Variants in MYO3A observed in about 807,000 individuals in gnomAD.
MYO3A encodes myosin IIIA.
A neutral mutation model predicts 192.7 loss-of-function variants in MYO3A; 180 were observed. The observed-to-expected ratio is 0.93, with a 90% CI of 0.83 to 1.06. The LOEUF (loss-of-function observed/expected upper bound fraction) is 1.06. MYO3A is among the 50% of genes least tolerant of loss of function. The pLI, the probability that MYO3A is intolerant of heterozygous loss-of-function variation, is 0.00. For missense variants in MYO3A, 1,896 were observed against 1,905.0 expected, an observed-to-expected ratio of 1.00 and a Z score of 0.09; for synonymous variants, 628 against 645.3, an observed-to-expected ratio of 0.97 and a Z score of 0.41.
At chr10:26,075,827 T>A (rs953632900) in intron 14 of MYO3A, among the ~76,000 whole-genome samples, 2 of 149,752 alleles carry the variant, frequency 1.3e-5, no homozygotes, top group Non-Finnish European at 3.0e-5. Context: ...GTCTCTCATA[T>A]ATATGATATA....
intron 17 of MYO3A, among the ~76,000 whole-genome samples, chr10:26,097,828 A>AT (rs1241330783): frequency 6.6e-6 from 1 of 152,134 alleles, no homozygotes; most frequent in Non-Finnish European, 1.5e-5. Context: ...GCTATTGTGA[A>AT]TAGTGCCACA....
At chr10:26,022,320 G>A (rs1178449251) in intron 8 of MYO3A, 2 of 152,070 alleles carry the variant, frequency 1.3e-5, no homozygotes, top group Non-Finnish European at 2.9e-5. Context: ...GATAACTAAT[G>A]TGAAAAGACT....
rs1564617416 is a variant in MYO3A, at chr10:26,170,516, C to CA, written c.3377dup (p.Lys1127GlufsTer4). 6.2e-7 allele frequency: 1 copy of CA among 1,612,296 alleles called. No individual in the cohort carries two copies. The highest frequency in any genetic ancestry group is 1.1e-5 in the South Asian group (1 of 90,964). ...AAACTTCTGATCAGGAATTCGACTACAAGAAAAACTTTGAAAATACAAGGT... is the reference window on the plus strand; with the variant it reads ...AAACTTCTGATCAGGAATTCGACTACAAAGAAAAACTTTGAAAATACAAGGT... On this transcript the variant is annotated frameshift_variant, in exon 29 of 35. Coordinates refer to ENST00000642920, the MANE Select transcript of MYO3A (RefSeq NM_017433.5). LOFTEE classifies it high-confidence loss of function.
At chr10:25,937,276 C>A (rs996365742) in intron 2 of MYO3A, among the ~76,000 whole-genome samples, 10 of 152,206 alleles carry the variant, frequency 6.6e-5, no homozygotes, top group African/African-American at 2.4e-4. Flanking sequence ...CCATCCTCTG[C>A]CTTTATTTCA....
intron 17 of MYO3A, among the ~76,000 whole-genome samples, chr10:26,111,078 G>A (rs147179536): frequency 4.6e-5 from 7 of 152,062 alleles, no homozygotes; most frequent in Admixed American, 4.6e-4. Flanking sequence ...ATGTTGCCCA[G>A]GCTGGTCTGA....
chr10:25,995,770 C>T (rs1316210683), intron 4 of MYO3A, among the ~76,000 whole-genome samples: 1 of 152,228 alleles, frequency 6.6e-6, no homozygotes, highest in East Asian at 1.9e-4. Flanking sequence ...GAGGTCCACT[C>T]CAGACCCTGT....
chr10:25,990,732 A>G (rs572391693), intron 4 of MYO3A, among the ~76,000 whole-genome samples: 316 of 140,126 alleles, frequency 2.3e-3, no homozygotes, highest in African/African-American at 7.6e-3. Context: ...TCATTGTTCA[A>G]TTCTTACCTG....
chr10:26,202,912 G>C (rs1469855610), intron 33 of MYO3A, 52 bp from the exon 34 acceptor site: 1 of 1,597,758 alleles, frequency 6.3e-7, no homozygotes, highest in African/African-American at 1.3e-5. Context: ...GTAAGTTTAA[G>C]TGAGTAGAAA....
At chr10:26,173,566 C>A in intron 29 of MYO3A, 97 bp from the exon 30 acceptor site, 2 of 1,126,194 alleles carry the variant, frequency 1.8e-6, no homozygotes, top group Non-Finnish European at 2.6e-6. Context: ...GTTCCTTTTG[C>A]CTTTCTCCCA....
rs145696233 is a variant in MYO3A, at chr10:26,121,623, G to A, written c.1903+821G>A. Among the ~76,000 whole-genome samples the A allele has an allele frequency of 3.9e-3, 592 of 152,132 alleles. 3 individuals are homozygous for A. Among genetic ancestry groups the A allele is most frequent in the African/African-American group, 0.013 (560 of 41,498 alleles). On this transcript the variant is annotated intron_variant, in intron 18 of 34. Transcript: ENST00000642920. ...AACTTAGCCAAGCATGGTGGTACACGCCTGTAGTCTCAGCTACTCGAGGAG... is the reference window on the plus strand; with the variant it reads ...AACTTAGCCAAGCATGGTGGTACACACCTGTAGTCTCAGCTACTCGAGGAG...
chr10:25,994,937 T>G (rs1328581524), intron 4 of MYO3A, among the ~76,000 whole-genome samples: 2 of 152,218 alleles, frequency 1.3e-5, no homozygotes, highest in Non-Finnish European at 1.5e-5. Context: ...CTGGCTGCCC[T>G]TAATATTTTT....
At chr10:26,192,874 C>T (rs1250483805) in intron 31 of MYO3A, among the ~76,000 whole-genome samples, 2 of 151,982 alleles carry the variant, frequency 1.3e-5, no homozygotes, top group African/African-American at 2.4e-5. Flanking sequence ...AGGCTGGTCT[C>T]GAACTCCTGA....
chr10:26,126,436 C>T (rs1839218893), intron 19 of MYO3A, among the ~76,000 whole-genome samples: 1 of 152,088 alleles, frequency 6.6e-6, no homozygotes, highest in African/African-American at 2.4e-5. Flanking sequence ...CATACCACAC[C>T]ATTATACTAT....
At chr10:25,973,815 A>G (rs1222024826) in intron 4 of MYO3A, among the ~76,000 whole-genome samples, 1 of 152,204 alleles carries the variant, frequency 6.6e-6, no homozygotes, top group East Asian at 1.9e-4. Flanking sequence ...ATATTTGACA[A>G]ACCAGACAAA....
intron 4 of MYO3A, among the ~76,000 whole-genome samples, chr10:25,980,008 G>A (rs922522890): frequency 3.3e-4 from 50 of 152,276 alleles, no homozygotes; most frequent in Admixed American, 1.8e-3. Flanking sequence ...AGGCCAAGGC[G>A]GGTGGATCAT....
In MYO3A at chr10:26,124,188, C is replaced by CAAA. The variant is rs34682530; in HGVS notation, c.1904-1190_1904-1188dup. ...TGGATGACAGAGCGAGACTTTGTCT[C>CAAA]AAAAAAAAAAAAAAAAAAAAAACTT... is the stretch of plus-strand genomic sequence containing the variant. On this transcript the variant is annotated intron_variant, in intron 18 of 34. Coordinates refer to ENST00000642920, the MANE Select transcript of MYO3A (RefSeq NM_017433.5). Among the ~76,000 whole-genome samples, 601 of 89,068 alleles carry CAAA rather than the reference C, an allele frequency of 6.7e-3. 15 individuals are homozygous for CAAA. Among genetic ancestry groups the CAAA allele is most frequent in the African/African-American group, 0.02 (465 of 23,308 alleles). 58.4% of individuals were successfully genotyped at this position (89,068 alleles called of 152,430 possible). A position where few individuals can be genotyped will look rare whatever the true frequency, so the allele number is the denominator to read the frequency against.
chr10:26,075,755 A>G (rs1319729602), intron 14 of MYO3A, among the ~76,000 whole-genome samples: 2 of 146,702 alleles, frequency 1.4e-5, no homozygotes, highest in Non-Finnish European at 3.0e-5. Flanking sequence ...TATATGATAT[A>G]TATATGTCTC....
intron 10 of MYO3A, among the ~76,000 whole-genome samples, chr10:26,039,207 AT>A (rs34416918): frequency 0.011 from 1,123 of 106,802 alleles, 7 homozygotes; most frequent in Middle Eastern, 0.03. Flanking sequence ...GGCTCGGCTA[AT>A]TTTTTTTTTT....
chr10:26,097,844 CAT>C (rs893992353), intron 17 of MYO3A, among the ~76,000 whole-genome samples: 1 of 152,124 alleles, frequency 6.6e-6, no homozygotes, highest in Non-Finnish European at 1.5e-5. Flanking sequence ...CCACAATAAA[CAT>C]ATGTGTGCAT....
Sources: gnomAD v4.1 joint callset for allele counts (sites outside exome capture counted in the v4.1 genomes callset) on GRCh38, gnomAD v4.1.1 for gene constraint, MANE v1.5 for transcripts, NCBI Gene and HGNC (gene_info 2026-07-23, HGNC 2026-07-21) for gene names.